WWC2: variants seen among roughly 807,000 people sequenced by gnomAD.
WWC2 encodes the protein WW and C2 domain containing 2, also known as protein WWC2.
WWC2 carries 101 observed loss-of-function variants against 138.5 expected under a neutral mutation model. That is an observed-to-expected ratio of 0.73 (90% CI 0.62 to 0.86). The LOEUF (loss-of-function observed/expected upper bound fraction) is 0.86, where lower values mean the gene tolerates loss of function less well. Among genes scored for constraint, WWC2 ranks in the 40% least tolerant of loss-of-function variants. The probability of loss-of-function intolerance (pLI) is 0.00; values close to 1 mark genes in which losing one functional copy is unlikely to be tolerated. For missense variants in WWC2, 1,420 were observed against 1,419.4 expected (o/e 1.00, Z -0.01); for synonymous variants, 558 against 538.4 (o/e 1.04, Z -0.50).
intron 4 of WWC2, among the ~76,000 whole-genome samples, chr4:183,235,345 A>G (rs960457221): frequency 1.6e-4 from 24 of 152,134 alleles, no homozygotes; most frequent in Non-Finnish European, 2.8e-4. Flanking sequence ...TTGAATTTCC[A>G]TTTCTTTTGT....
At chr4:183,247,614 C>CTACATATACTATATATAG (rs1736826982) in intron 6 of WWC2, among the ~76,000 whole-genome samples, 2 of 131,778 alleles carry the variant, frequency 1.5e-5, no homozygotes, top group African/African-American at 6.2e-5. Flanking sequence ...GCTATATATA[C>CTACATATACTATATATAG]TATATATACT....
intron 4 of WWC2, among the ~76,000 whole-genome samples, chr4:183,225,356 T>C (rs1048888416): frequency 6.6e-6 from 1 of 152,230 alleles, no homozygotes; most frequent in Non-Finnish European, 1.5e-5. Flanking sequence ...GTAGCACTTT[T>C]TATGATTAGA....
chr4:183,123,455 C>G (rs943620953), intron 1 of WWC2, among the ~76,000 whole-genome samples: 2 of 149,394 alleles, frequency 1.3e-5, no homozygotes, highest in Non-Finnish European at 3.0e-5. Flanking sequence ...AAATTTAAAA[C>G]CCCACAAAAC....
At chr4:183,244,460 G>T (rs1182241207) in intron 5 of WWC2, among the ~76,000 whole-genome samples, 1 of 152,070 alleles carries the variant, frequency 6.6e-6, no homozygotes. Flanking sequence ...TATTCAATAT[G>T]AGTTGAGAAA....
chr4:183,261,407 C>T lies in WWC2; in HGVS notation c.1784C>T (p.Ala595Val), dbSNP rs749864058. 8.7e-6 allele frequency: 14 copies of T among 1,612,864 alleles called. No homozygotes were observed. Among genetic ancestry groups the T allele is most frequent in the East Asian group, 6.7e-5 (3 of 44,880 alleles). Reference sequence around the variant, plus strand: ...GACTGTGAGTTGAGTAGCCATTTTGCAGATATCAGCCTCATCGAAAATCAG... The same window carrying T: ...GACTGTGAGTTGAGTAGCCATTTTGTAGATATCAGCCTCATCGAAAATCAG... ...FEDCELSSHF[A>V]DISLIENQIL... The change falls in exon 11 of 23, where the codon GCA becomes GTA. Residue 595 changes from alanine (A) to valine (V), a missense_variant. By Grantham distance (64) the Ala-to-Val change is moderately conservative. Transcript: ENST00000403733.
At chr4:183,103,429 C>G (rs1002535162) in intron 1 of WWC2, among the ~76,000 whole-genome samples, 2 of 149,680 alleles carry the variant, frequency 1.3e-5, no homozygotes, top group African/African-American at 5.0e-5. Context: ...CGGGTTCAAG[C>G]GATTCTCCTG....
At chr4:183,245,569 A>G (rs1277440185) in intron 6 of WWC2, 24 bp downstream of exon 6, 1 of 1,554,092 alleles carries the variant, frequency 6.4e-7, no homozygotes, top group Admixed American at 2.0e-5. Flanking sequence ...CATTTTGTTA[A>G]GCCAAACTTC....
intron 1 of WWC2, among the ~76,000 whole-genome samples, chr4:183,103,548 G>C (rs150604001): frequency 0.029 from 4,403 of 149,600 alleles, 219 homozygotes; most frequent in African/African-American, 0.1. Context: ...GGCTGGTCTC[G>C]AACTCCTGAC....
intron 1 of WWC2, among the ~76,000 whole-genome samples, chr4:183,155,560 C>T (rs1429368954): frequency 1.3e-5 from 2 of 151,760 alleles, no homozygotes; most frequent in African/African-American, 4.8e-5. Context: ...AGGGAGGAGA[C>T]GAATTTGGAC....
intron 20 of WWC2, among the ~76,000 whole-genome samples, chr4:183,286,388 C>G (rs1301910186): frequency 6.6e-6 from 1 of 152,162 alleles, no homozygotes; most frequent in Non-Finnish European, 1.5e-5. Flanking sequence ...ATACCATGTC[C>G]AGGTCTTGAG....
At chr4:183,176,307 T>G (rs1329972107) in intron 1 of WWC2, among the ~76,000 whole-genome samples, 1 of 152,198 alleles carries the variant, frequency 6.6e-6, no homozygotes, top group Non-Finnish European at 1.5e-5. Context: ...TTAGGAACGT[T>G]TCTTAGTTTT....
Position 183,264,854 on chromosome 4 carries a change from A to G in WWC2, c.1910-124A>G, listed in dbSNP as rs555610971. 6.6e-5 allele frequency: 70 copies of G among 1,062,752 alleles called. 2 individuals carry two copies. In the South Asian group the frequency reaches 2.0e-3, roughly 30 times the overall value. 65.8% of individuals were successfully genotyped at this position (1,062,752 alleles called of 1,614,324 possible). On this transcript the variant is annotated intron_variant, in intron 11 of 22. Coordinates refer to ENST00000403733, the MANE Select transcript of WWC2 (RefSeq NM_024949.6). ...TTTACAGCTGTAGATTTGAATATTAACATCCTTGACTCCCAGAAGGAAATC... is the reference window on the plus strand; with the variant it reads ...TTTACAGCTGTAGATTTGAATATTAGCATCCTTGACTCCCAGAAGGAAATC...
intron 1 of WWC2, among the ~76,000 whole-genome samples, chr4:183,122,488 A>G (rs1732633115): frequency 6.6e-6 from 1 of 152,216 alleles, no homozygotes. Flanking sequence ...ATAATCAGTA[A>G]AAAATTAGTA....
chr4:183,257,813 C>G (rs1418772867), intron 9 of WWC2, among the ~76,000 whole-genome samples: 1 of 152,076 alleles, frequency 6.6e-6, no homozygotes, highest in Non-Finnish European at 1.5e-5. Flanking sequence ...CATCTCAACA[C>G]CAGCAAGAAC....
intron 9 of WWC2, among the ~76,000 whole-genome samples, chr4:183,259,057 G>A (rs1306305834): frequency 1.3e-5 from 2 of 152,100 alleles, no homozygotes; most frequent in Admixed American, 6.6e-5. Context: ...GCTCGGAAGG[G>A]GAATCACTTT....
At chr4:183,119,783 A>G (rs769566642) in intron 1 of WWC2, among the ~76,000 whole-genome samples, 10 of 152,216 alleles carry the variant, frequency 6.6e-5, no homozygotes, top group Non-Finnish European at 1.3e-4. Flanking sequence ...ATGGATATTC[A>G]TTTAACCCAT....
At position 183,279,094 on chromosome 4, in the gene WWC2, A is replaced by C. The variant is rs571757442; in HGVS notation, c.2563-1682A>C. Reference sequence around the variant, plus strand: ...GAATGCTTCCAGTTCTTGCCCATTCAGTATGATATTGGCTGTGGGTTTGTC... The same window carrying C: ...GAATGCTTCCAGTTCTTGCCCATTCCGTATGATATTGGCTGTGGGTTTGTC... On this transcript the variant is annotated intron_variant, in intron 16 of 22. Transcript: ENST00000403733. Among the ~76,000 whole-genome samples, 684 of 152,252 alleles carry C rather than the reference A, an allele frequency of 4.5e-3. 8 individuals are homozygous for C. The highest frequency in any genetic ancestry group is 0.016 in the African/African-American group (654 of 41,510).
At chr4:183,133,175 G>A (rs777488590) in intron 1 of WWC2, among the ~76,000 whole-genome samples, 12 of 111,600 alleles carry the variant, frequency 1.1e-4, no homozygotes, top group Non-Finnish European at 1.7e-4. Flanking sequence ...TTTTGACCAG[G>A]TCTTGCTCTG....
At chr4:183,155,858 T>G (rs1470465042) in intron 1 of WWC2, among the ~76,000 whole-genome samples, 1 of 152,194 alleles carries the variant, frequency 6.6e-6, no homozygotes, top group Non-Finnish European at 1.5e-5. Flanking sequence ...TCCGGTTCTG[T>G]CTGTCAAGGT....
Sources: gnomAD v4.1 joint callset for allele counts (sites outside exome capture counted in the v4.1 genomes callset) on GRCh38, gnomAD v4.1.1 for gene constraint, MANE v1.5 for transcripts, NCBI Gene and HGNC (gene_info 2026-07-23, HGNC 2026-07-21) for gene names.